Variants in DCUN1D1 observed in about 807,000 individuals in gnomAD.
DCUN1D1 encodes the protein defective in cullin neddylation 1 domain containing 1, also known as DCN1-like protein 1.
In DCUN1D1, 3 loss-of-function variants were observed where a neutral mutation model predicts 39.0. The observed-to-expected ratio is 0.08, with a 90% CI of 0.04 to 0.20. DCUN1D1 has a LOEUF of 0.20. DCUN1D1 is among the 10% of genes least tolerant of loss of function. The probability of loss-of-function intolerance (pLI) is 1.00; values close to 1 mark genes in which losing one functional copy is unlikely to be tolerated. For synonymous variants in DCUN1D1, 82 were observed against 96.3 expected (o/e 0.85, Z 0.87); for missense variants, 158 against 302.4 (o/e 0.52, Z 3.54).
intron 1 of DCUN1D1, among the ~76,000 whole-genome samples, chr3:182,976,444 T>TACACACACACACACACACACACAC (rs59465164): frequency 1.4e-5 from 2 of 140,770 alleles, no homozygotes; most frequent in African/African-American, 5.4e-5. Flanking sequence ...TATACATACA[T>TACACACACACACACACACACACAC]ACACACACAC....
At chr3:182,954,643 A>G (rs1409817307) in intron 4 of DCUN1D1, among the ~76,000 whole-genome samples, 2 of 152,220 alleles carry the variant, frequency 1.3e-5, no homozygotes, top group South Asian at 4.1e-4. Flanking sequence ...GTGATGAGGT[A>G]TATAAAAATA....
In DCUN1D1 at chr3:182,944,320, G is replaced by A. The variant is rs1176485672; in HGVS notation, c.*774C>T. ...ATTATGTAGTGCATAATGTAGACAG[G>A]AGAAGAATCTAACATTATGCAGACA... On this transcript the variant is annotated 3_prime_UTR_variant, in exon 7 of 7. Transcript: ENST00000292782. 3 of 152,596 alleles carry A rather than the reference G, an allele frequency of 2.0e-5. No individual in the cohort carries two copies. Among genetic ancestry groups the A allele is most frequent in the African/African-American group, 7.2e-5 (3 of 41,432 alleles). The allele number at this position is 152,596 out of a possible 1,614,324, so 9.5% of individuals were successfully genotyped here. A position where few individuals can be genotyped will look rare whatever the true frequency, so the allele number is the denominator to read the frequency against.
At chr3:182,966,673 C>G (rs934444306) in intron 1 of DCUN1D1, among the ~76,000 whole-genome samples, 1 of 152,208 alleles carries the variant, frequency 6.6e-6, no homozygotes, top group Non-Finnish European at 1.5e-5. Flanking sequence ...AAGCCGGCCT[C>G]CTAGCAACTG....
chr3:182,964,989 A>C (rs1334204428), intron 2 of DCUN1D1, among the ~76,000 whole-genome samples: 1 of 152,188 alleles, frequency 6.6e-6, no homozygotes, highest in African/African-American at 2.4e-5. Flanking sequence ...GCAATAAAAA[A>C]CATGAACATA....
At chr3:182,972,211 C>A (rs1577195477) in intron 1 of DCUN1D1, among the ~76,000 whole-genome samples, 1 of 150,704 alleles carries the variant, frequency 6.6e-6, no homozygotes. Flanking sequence ...TAAATGTACA[C>A]AGGTTGAAAA....
chr3:182,955,419 C>A, intron 4 of DCUN1D1: 1 of 540,340 alleles, frequency 1.9e-6, no homozygotes. Context: ...CCACATTTTG[C>A]GCAAACTTCA....
chr3:182,947,161 A>G (rs1299569096), intron 6 of DCUN1D1, 77 bp downstream of exon 6: 2 of 751,830 alleles, frequency 2.7e-6, no homozygotes, highest in East Asian at 5.6e-5. Context: ...GAGAAAAACA[A>G]AAGTACCTAA....
chr3:182,963,981 G>A lies in DCUN1D1; in HGVS notation c.289C>T (p.Pro97Ser). The change falls in exon 3 of 7, where the codon CCA becomes TCA. Residue 97 changes from proline (P) to serine (S), a missense_variant. This residue lies in a region of DCUN1D1 where 107 missense variants were observed against 174.7 expected (regional missense o/e 0.61). Transcript: ENST00000292782. ...QQFCDDLALD[P>S]ASISVLIIAW... is the part of the protein sequence containing the mutation. ...ATAATCAACACACTAATGCTGGCTG[G>A]ATCGAGTGCCAGGTCATCACAGAAC... The A allele has an allele frequency of 6.2e-7, 1 of 1,614,028 alleles. No individual in the cohort carries two copies. The highest frequency in any genetic ancestry group is 8.5e-7 in the Non-Finnish European group (1 of 1,179,946).
In DCUN1D1 at chr3:182,940,292, G is replaced by C. The variant is rs1251028595; in HGVS notation, c.*4802C>G. 2.6e-5 allele frequency: 4 copies of C among 152,068 alleles called. No individual in the cohort carries two copies. The allele number at this position is 152,068 out of a possible 1,614,324, so 9.4% of individuals were successfully genotyped here. On this transcript the variant is annotated 3_prime_UTR_variant, in exon 7 of 7. Coordinates refer to ENST00000292782, the MANE Select transcript of DCUN1D1 (RefSeq NM_020640.4). ...ATAATATTCATATGAACATGCATTTGAATATATATGTACTTTTTAAATATA... is the reference window on the plus strand; with the variant it reads ...ATAATATTCATATGAACATGCATTTCAATATATATGTACTTTTTAAATATA...
At chr3:182,981,970 G>C (rs1191774903), upstream of DCUN1D1, among the ~76,000 whole-genome samples, 1 of 152,216 alleles carries the variant, frequency 6.6e-6, no homozygotes, top group Non-Finnish European at 1.5e-5. Flanking sequence ...CCTGAAACTG[G>C]ACTACATCCA....
intron 1 of DCUN1D1, chr3:182,979,991 G>C: frequency 5.3e-6 from 1 of 189,658 alleles, no homozygotes; most frequent in Non-Finnish European, 9.8e-6. Context: ...GCGGAGGAGG[G>C]AGAGGCGCGC....
chr3:182,958,294 T>G (rs550571061), intron 4 of DCUN1D1, among the ~76,000 whole-genome samples: 5 of 152,240 alleles, frequency 3.3e-5, no homozygotes, highest in Admixed American at 3.3e-4. Context: ...TAGACTTTTT[T>G]AGTTTTAGGT....
chr3:182,960,116 C>T (rs1727306268), intron 4 of DCUN1D1, among the ~76,000 whole-genome samples: 1 of 152,128 alleles, frequency 6.6e-6, no homozygotes, highest in Non-Finnish European at 1.5e-5. Flanking sequence ...GTTATAGCAA[C>T]ACAAAATGGA....
chr3:182,960,064 C>T (rs1727304421), intron 4 of DCUN1D1, among the ~76,000 whole-genome samples: 1 of 152,180 alleles, frequency 6.6e-6, no homozygotes, highest in Admixed American at 6.5e-5. Flanking sequence ...GAATCATGAG[C>T]TAAACAAACC....
intron 4 of DCUN1D1, chr3:182,955,708 G>A: frequency 3.1e-6 from 1 of 324,836 alleles, no homozygotes; most frequent in Non-Finnish European, 6.1e-6. Flanking sequence ...AGCCTCCCGA[G>A]TAGCTGGGAT....
intron 1 of DCUN1D1, among the ~76,000 whole-genome samples, chr3:182,972,368 AC>A (rs1056743148): frequency 5.9e-5 from 9 of 152,052 alleles, no homozygotes; most frequent in African/African-American, 2.2e-4. Flanking sequence ...AACGAACAAA[AC>A]CCTCATAGTA....
intron 4 of DCUN1D1, among the ~76,000 whole-genome samples, chr3:182,951,459 C>CA (rs1176790876): frequency 2.0e-5 from 3 of 150,844 alleles, no homozygotes; most frequent in Admixed American, 2.0e-4. Flanking sequence ...TACTAAAAAT[C>CA]AAAAAAACCA....
chr3:182,983,396 CAGAG>C (rs1728622353), upstream of DCUN1D1, among the ~76,000 whole-genome samples: 1 of 152,174 alleles, frequency 6.6e-6, no homozygotes, highest in Admixed American at 6.5e-5. Flanking sequence ...AATGGAAGCA[CAGAG>C]AGATTAAATA....
At chr3:182,978,026 C>T (rs1239646855) in intron 1 of DCUN1D1, among the ~76,000 whole-genome samples, 1 of 105,946 alleles carries the variant, frequency 9.4e-6, no homozygotes, top group Non-Finnish European at 2.0e-5. Flanking sequence ...GGCAACAGAG[C>T]AAAAACTCCA....
Sources: allele counts gnomAD v4.1 joint callset (sites outside exome capture counted in the v4.1 genomes callset), GRCh38; gene constraint gnomAD v4.1.1; regional missense constraint gnomAD v4.1.1; transcripts MANE v1.5; gene names NCBI Gene and HGNC (gene_info 2026-07-23, HGNC 2026-07-21).